Variants in CLASP1 observed in about 807,000 individuals in gnomAD.
CLASP1 encodes the protein cytoplasmic linker associated protein 1, also known as CLIP-associating protein 1.
A neutral mutation model predicts 192.3 loss-of-function variants in CLASP1; 38 were observed. That is an observed-to-expected ratio of 0.20 (90% CI 0.15 to 0.26). The LOEUF is 0.26. CLASP1 is among the 10% of genes least tolerant of loss of function. CLASP1 has a pLI of 1.00. For synonymous variants in CLASP1, 691 were observed against 712.8 expected (o/e 0.97, Z 0.49); for missense variants, 1,433 against 1,932.5 (o/e 0.74, Z 4.85).
intron 34 of CLASP1, among the ~76,000 whole-genome samples, chr2:121,368,955 A>G (rs2068021927): frequency 6.6e-6 from 1 of 152,154 alleles, no homozygotes; most frequent in East Asian, 1.9e-4. Flanking sequence ...CATTCCCAAC[A>G]AAAACCCTGC....
chr2:121,441,552 C>A (rs547031811), intron 19 of CLASP1, among the ~76,000 whole-genome samples: 224 of 152,084 alleles, frequency 1.5e-3, no homozygotes, highest in African/African-American at 5.0e-3. Flanking sequence ...ATAGGGAGAC[C>A]CCATCTCTAC....
At chr2:121,532,234 G>A (rs1296626590) in intron 2 of CLASP1, 5 of 152,126 alleles carry the variant, frequency 3.3e-5, no homozygotes, top group African/African-American at 1.2e-4. Context: ...CAATATTGAA[G>A]AAAATAATTT....
At chr2:121,499,947 C>T (rs1210380177) in intron 8 of CLASP1, among the ~76,000 whole-genome samples, 2 of 152,168 alleles carry the variant, frequency 1.3e-5, no homozygotes, top group Admixed American at 1.3e-4. Context: ...TGTCCTGTCT[C>T]ACCACTCTTA....
chr2:121,644,033 T>C (rs565765475), intron 1 of CLASP1, among the ~76,000 whole-genome samples: 29 of 152,312 alleles, frequency 1.9e-4, no homozygotes, highest in African/African-American at 5.1e-4. Context: ...TCCTACCATG[T>C]ATTACCGACT....
At chr2:121,649,050 G>A (rs941601842) in intron 1 of CLASP1, among the ~76,000 whole-genome samples, 2 of 152,192 alleles carry the variant, frequency 1.3e-5, no homozygotes, top group African/African-American at 4.8e-5. Context: ...GGGAGACTCG[G>A]GTTAGGAAGG....
chr2:121,410,053 T>G (rs1254541894), intron 24 of CLASP1, among the ~76,000 whole-genome samples: 3 of 152,210 alleles, frequency 2.0e-5, no homozygotes, highest in African/African-American at 7.2e-5. Context: ...ATTAAAAACT[T>G]CAGAGTCTGA....
chr2:121,392,811 C>T (rs1209335061), intron 30 of CLASP1, among the ~76,000 whole-genome samples: 1 of 152,118 alleles, frequency 6.6e-6, no homozygotes, highest in African/African-American at 2.4e-5. Context: ...GTCAGGGCTC[C>T]CACACTGAGA....
chr2:121,405,714 T>TGGG (rs57213680), intron 25 of CLASP1, among the ~76,000 whole-genome samples: 30,522 of 152,124 alleles, frequency 0.2, 5,694 homozygotes, highest in African/African-American at 0.49. Flanking sequence ...ATCTACAAAG[T>TGGG]GGGACCACCA....
chr2:121,360,112 T>A (rs528995731), intron 37 of CLASP1, among the ~76,000 whole-genome samples: 1 of 152,210 alleles, frequency 6.6e-6, no homozygotes, highest in Non-Finnish European at 1.5e-5. Flanking sequence ...ACAGTGCACA[T>A]GCTGGTGTGG....
chr2:121,613,850 T>G (rs182730888), intron 1 of CLASP1, among the ~76,000 whole-genome samples: 2 of 152,310 alleles, frequency 1.3e-5, no homozygotes, highest in East Asian at 3.9e-4. Context: ...GAATTAATAT[T>G]TCCCATAAGT....
chr2:121,613,301 T>G (rs6541790), intron 1 of CLASP1, among the ~76,000 whole-genome samples: 29,167 of 152,144 alleles, frequency 0.19, 5,038 homozygotes, highest in African/African-American at 0.46. Context: ...ATCATCTTGG[T>G]CCACAGGGCC....
At chr2:121,377,812 A>T (rs1220832664) in intron 33 of CLASP1, among the ~76,000 whole-genome samples, 163 bp from the exon 35 acceptor site, 1 of 152,210 alleles carries the variant, frequency 6.6e-6, no homozygotes, top group Non-Finnish European at 1.5e-5. Context: ...GAGTACCACC[A>T]CCGGACAATT....
rs34423741 is a variant in CLASP1 at position 121,555,988 on chromosome 2, C to CTTTTTTTTTTTTTTTTTTTTTTT, written c.196-25686_196-25664dup. Among the ~76,000 whole-genome samples, 3 of 42,392 alleles carry CTTTTTTTTTTTTTTTTTTTTTTT rather than the reference C, an allele frequency of 7.1e-5. 1 individual carries two copies. Among genetic ancestry groups the CTTTTTTTTTTTTTTTTTTTTTTT allele is most frequent in the African/African-American group, 1.1e-4 (1 of 9,088 alleles). 27.8% of individuals were successfully genotyped at this position (42,392 alleles called of 152,430 possible). A position where few individuals can be genotyped will look rare whatever the true frequency, so the allele number is the denominator to read the frequency against. ...CACGGCGCCTGCCCCCTACCCACCG[C>CTTTTTTTTTTTTTTTTTTTTTTT]TTTTTTTTTTTTTTTTTTTTTTTTT... On this transcript the variant is annotated intron_variant, in intron 2 of 39. Transcript: ENST00000263710.
intron 2 of CLASP1, among the ~76,000 whole-genome samples, chr2:121,599,916 CA>C (rs749861641): frequency 0.23 from 18,078 of 78,536 alleles, 1,326 homozygotes; most frequent in African/African-American, 0.4. Flanking sequence ...GAGACTCTGT[CA>C]AAAAAAAAAA....
At position 121,452,954 on chromosome 2, in the gene CLASP1, A is replaced by G. The variant is rs535483275; in HGVS notation, c.1386-1105T>C. ...AAATGACCAGACTTTCTTTCCTACAACCTTCCCAATTCACAACTTATAATC... is the reference window on the plus strand; with the variant it reads ...AAATGACCAGACTTTCTTTCCTACAGCCTTCCCAATTCACAACTTATAATC... On this transcript the variant is annotated intron_variant, in intron 14 of 39. Transcript: ENST00000263710. Among the ~76,000 whole-genome samples, 243 of 152,170 alleles carry G rather than the reference A, an allele frequency of 1.6e-3. 2 individuals are homozygous for G. The highest frequency in any genetic ancestry group is 5.2e-3 in the African/African-American group (217 of 41,498).
At chr2:121,387,226 G>A (rs1168182260) in exon 32 of CLASP1, 2 of 1,584,652 alleles carry the variant, frequency 1.3e-6, no homozygotes, top group South Asian at 1.2e-5. Flanking sequence ...TGCTTGGAGA[G>A]CCCTGGGGTG....
intron 9 of CLASP1, among the ~76,000 whole-genome samples, chr2:121,464,807 CGCT>C (rs1367847817): frequency 6.6e-6 from 1 of 152,094 alleles, no homozygotes; most frequent in African/African-American, 2.4e-5. Context: ...TGCCTGTTCA[CGCT>C]GATGGTAGTT....
intron 9 of CLASP1, among the ~76,000 whole-genome samples, chr2:121,469,327 G>A (rs1290532709): frequency 2.6e-5 from 4 of 152,150 alleles, no homozygotes; most frequent in Non-Finnish European, 4.4e-5. Flanking sequence ...CCCACAGCAC[G>A]ACCCTGCATG....
intron 2 of CLASP1, among the ~76,000 whole-genome samples, chr2:121,589,650 A>T (rs2062149836): frequency 6.6e-6 from 1 of 151,058 alleles, no homozygotes; most frequent in Admixed American, 6.6e-5. Context: ...AAAAAAAAAC[A>T]CACTATTATT....
Sources: gnomAD v4.1 joint callset for allele counts (sites outside exome capture counted in the v4.1 genomes callset) on GRCh38, gnomAD v4.1.1 for gene constraint, MANE v1.5 for transcripts, NCBI Gene and HGNC (gene_info 2026-07-23, HGNC 2026-07-21) for gene names.